Variants in MRM1 observed in about 807,000 individuals in gnomAD.
MRM1 encodes the protein mitochondrial rRNA methyltransferase 1, also known as rRNA methyltransferase 1, mitochondrial.
Under a neutral mutation model 25.0 loss-of-function variants are expected in MRM1, and 24 were observed. The observed-to-expected ratio is 0.96, with a 90% CI of 0.69 to 1.35. The LOEUF (loss-of-function observed/expected upper bound fraction) is 1.35. Ranked by LOEUF, MRM1 falls within the 40% of genes most tolerant of loss-of-function variation. The pLI is 0.00. For synonymous variants in MRM1, 188 were observed against 199.2 expected (o/e 0.94, Z 0.47); for missense variants, 431 against 464.1 (o/e 0.93, Z 0.65).
At chr17:36,633,520 G>T in the MRM1 span, among the ~76,000 whole-genome samples, 2 of 152,126 alleles carry the variant, frequency 1.3e-5, no homozygotes, top group Non-Finnish European at 2.9e-5. Flanking sequence ...AGGAGGGAGA[G>T]AGGAGAGGGA....
At chr17:36,622,961 T>A in the MRM1 span, among the ~76,000 whole-genome samples, 1 of 152,360 alleles carries the variant, frequency 6.6e-6, no homozygotes, top group Admixed American at 6.5e-5. Flanking sequence ...AGAGGTCAGC[T>A]GCGATCCTGA....
At position 36,602,386 on chromosome 17, in the gene MRM1, C is replaced by G; in HGVS notation, c.542+34C>G. 6.5e-7 allele frequency: 1 copy of G among 1,549,720 alleles called. No homozygotes were observed. The highest frequency in any genetic ancestry group is 8.7e-7 in the Non-Finnish European group (1 of 1,145,916). On this transcript the variant is annotated intron_variant, in intron 1 of 4. Coordinates refer to ENST00000614766, the MANE Select transcript of MRM1 (RefSeq NM_024864.5). This position sits in a 1 kb window ranked among gnomAD's most constrained non-coding sequence, Gnocchi z 4.1. ...GTCCCTCATTCTCTATGTGCCCCAACTTGGAGACGCAGCCGAGTTCCTAAG... is the reference window on the plus strand; with the variant it reads ...GTCCCTCATTCTCTATGTGCCCCAAGTTGGAGACGCAGCCGAGTTCCTAAG...
chr17:36,612,701 T>C (rs1235755617), downstream of MRM1, among the ~76,000 whole-genome samples: 1 of 152,236 alleles, frequency 6.6e-6, no homozygotes. Context: ...AGTATAAATG[T>C]GGACATGTCC....
intron 2 of MRM1, among the ~76,000 whole-genome samples, chr17:36,603,827 G>C (rs754177493): frequency 2.0e-5 from 3 of 152,066 alleles, no homozygotes; most frequent in African/African-American, 7.2e-5. Flanking sequence ...CTACTATATT[G>C]AACAGCACAT....
Position 36,602,723 on chromosome 17 carries a change from C to T in MRM1, c.636+77C>T, listed in dbSNP as rs1166220941. 1.1e-5 allele frequency: 17 copies of T among 1,537,094 alleles called. No individual in the cohort carries two copies. Among genetic ancestry groups the T allele is most frequent in the Non-Finnish European group, 1.4e-5 (16 of 1,113,224 alleles). On this transcript the variant is annotated intron_variant, in intron 2 of 4. Transcript: ENST00000614766. The surrounding 1 kb of genome is among the most constrained non-coding windows in gnomAD (Gnocchi z 4.1). ...TCAAGGGGACGAAGCTAGCCCCTGG[C>T]GAGGGAGAGAAAGGGGCATGTTGGC...
chr17:36,623,299 G>A, the MRM1 span, among the ~76,000 whole-genome samples: 2 of 152,208 alleles, frequency 1.3e-5, no homozygotes, highest in African/African-American at 4.8e-5. Context: ...TATATTTAAT[G>A]CTGAATTTTG....
chr17:36,601,896 GGC>G lies in MRM1; in HGVS notation c.87_88del (p.Pro30TrpfsTer12). ...TCCCATGCAGCGCGGCATGGGGAGC[GGC>G]CTGGTGGGGAGGAGCTAAGCCGCTT... On this transcript the variant is annotated frameshift_variant, in exon 1 of 5. Transcript: ENST00000614766. LOFTEE classifies it high-confidence loss of function. The G allele has an allele frequency of 6.2e-7, 1 of 1,611,114 alleles. No homozygotes were observed. Among genetic ancestry groups the G allele is most frequent in the Admixed American group, 1.7e-5 (1 of 59,980 alleles).
chr17:36,612,412 G>A, downstream of MRM1, among the ~76,000 whole-genome samples: 1 of 152,212 alleles, frequency 6.6e-6, no homozygotes, highest in East Asian at 1.9e-4. Context: ...AGGGTCTGAG[G>A]TCCTAAGGAT....
In MRM1 at chr17:36,602,294, G is replaced by A; in HGVS notation, c.484G>A (p.Val162Met). 6.3e-7 allele frequency: 1 copy of A among 1,598,064 alleles called. No individual in the cohort carries two copies. Among genetic ancestry groups the A allele is most frequent in the Admixed American group, 1.7e-5 (1 of 59,164 alleles). ...GIQDPRNFGA[V>M]LRSAHFLGVD... ...CCAGGATCCCCGGAATTTTGGGGCT[G>A]TGCTGCGTTCCGCACACTTCCTCGG... is the stretch of plus-strand genomic sequence containing the variant. The change falls in exon 1 of 5, where the codon GTG (valine) becomes ATG (methionine). Residue 162 changes from valine (V) to methionine (M), a missense_variant. Coordinates refer to ENST00000614766, the MANE Select transcript of MRM1 (RefSeq NM_024864.5). The surrounding 1 kb of genome is among the most constrained non-coding windows in gnomAD (Gnocchi z 4.1).
At chr17:36,610,338 C>T (rs12449922), downstream of MRM1, among the ~76,000 whole-genome samples, 63,202 of 151,386 alleles carry the variant, frequency 0.42, 13,894 homozygotes, top group African/African-American at 0.55. Context: ...GTTCATGCCA[C>T]TCTCTTGCCT....
At chr17:36,605,781 C>T (rs1317472974) in intron 2 of MRM1, among the ~76,000 whole-genome samples, 5 of 152,008 alleles carry the variant, frequency 3.3e-5, no homozygotes, top group Middle Eastern at 3.4e-3. Context: ...AAGTTATTTC[C>T]GTATTATCAC....
the MRM1 span, among the ~76,000 whole-genome samples, chr17:36,629,195 T>C: frequency 6.6e-6 from 1 of 152,158 alleles, no homozygotes; most frequent in Non-Finnish European, 1.5e-5. Flanking sequence ...TTTTAAGCCT[T>C]TCAAATAGTG....
At chr17:36,630,687 A>G in the MRM1 span, among the ~76,000 whole-genome samples, 60 of 152,148 alleles carry the variant, frequency 3.9e-4, no homozygotes, top group African/African-American at 1.3e-3. Flanking sequence ...GCAGGGACTG[A>G]GGGGGTCTGT....
At chr17:36,624,079 C>T in the MRM1 span, among the ~76,000 whole-genome samples, 3 of 152,232 alleles carry the variant, frequency 2.0e-5, no homozygotes, top group East Asian at 3.9e-4. The surrounding 1 kb of genome is among the most constrained non-coding windows in gnomAD (Gnocchi z 4.0). Flanking sequence ...TGGAGTGTGG[C>T]CAGCACCCTG....
At chr17:36,614,914 G>A in the MRM1 span, among the ~76,000 whole-genome samples, 2 of 152,238 alleles carry the variant, frequency 1.3e-5, no homozygotes, top group Non-Finnish European at 2.9e-5. Context: ...AAGGGGAGCA[G>A]GGCCAGAGCC....
At chr17:36,612,805 T>A (rs1649780831), downstream of MRM1, among the ~76,000 whole-genome samples, 1 of 152,182 alleles carries the variant, frequency 6.6e-6, no homozygotes, top group Admixed American at 6.5e-5. Context: ...AAAGAGGTCA[T>A]ACATGTAAAA....
At chr17:36,603,044 A>G (rs2074894771) in intron 2 of MRM1, 2 of 985,438 alleles carry the variant, frequency 2.0e-6, no homozygotes, top group Middle Eastern at 5.2e-4. Flanking sequence ...TCTTTATGCC[A>G]TTAGTATCTA....
the MRM1 span, among the ~76,000 whole-genome samples, chr17:36,629,564 G>A: frequency 0.027 from 4,176 of 152,304 alleles, 173 homozygotes; most frequent in African/African-American, 0.092. Context: ...CTGACACCCC[G>A]ACCTAGGGTA....
Position 36,608,226 on chromosome 17 carries a change from T to C in MRM1, c.890-17T>C. 6.5e-7 allele frequency: 1 copy of C among 1,548,960 alleles called. No individual in the cohort carries two copies. The highest frequency in any genetic ancestry group is 8.7e-7 in the Non-Finnish European group (1 of 1,146,142). ...TTCTCCTCCGTCCTCTCTTCCCTTG[T>C]CCTTGTGTCTGTGCAGGAATTCTTC... On this transcript the variant is annotated splice_polypyrimidine_tract_variant and intron_variant, in intron 4 of 4. Transcript: ENST00000614766.
Sources: gnomAD v4.1 joint callset for allele counts (sites outside exome capture counted in the v4.1 genomes callset) on GRCh38, gnomAD v4.1.1 for gene constraint, Gnocchi (gnomAD v3.1) non-coding constraint, MANE v1.5 for transcripts, NCBI Gene and HGNC (gene_info 2026-07-23, HGNC 2026-07-21) for gene names.